SLMAP: variants seen among roughly 807,000 people sequenced by gnomAD.
SLMAP encodes the protein sarcolemma associated protein.
Under a neutral mutation model 128.8 loss-of-function variants are expected in SLMAP, and 44 were observed. The ratio of observed to expected loss-of-function variants is 0.34; its 90% CI spans 0.27 to 0.44. The LOEUF is 0.44. SLMAP is among the 20% of genes least tolerant of loss of function. The pLI is 1.00. For synonymous variants in SLMAP, 327 were observed against 348.8 expected (o/e 0.94, Z 0.70); for missense variants, 787 against 985.3 (o/e 0.80, Z 2.69).
chr3:57,883,486 G>C (rs1006086594), intron 14 of SLMAP, among the ~76,000 whole-genome samples: 7 of 152,176 alleles, frequency 4.6e-5, no homozygotes, highest in African/African-American at 1.7e-4. Context: ...GGCAATAAAA[G>C]CCTAAGAAGG....
In SLMAP at chr3:57,871,673, T is replaced by C. The variant is rs2153617396; in HGVS notation, c.1275T>C (p.Phe425=). 6.2e-7 allele frequency: 1 copy of C among 1,612,892 alleles called. No homozygotes were observed. Among genetic ancestry groups the C allele is most frequent in the Non-Finnish European group, 8.5e-7 (1 of 1,179,008 alleles). Residue 425 remains phenylalanine (F), a synonymous_variant, in exon 14 of 25, where the codon TTT becomes TTC. Transcript: ENST00000671191. The part of the protein sequence containing the change: ...LLSKSGGDCT[F]IHQFIECQKK... Reference sequence around the variant, plus strand: ...CAAAGAGTGGCGGGGACTGCACTTTTATTCATCAATTCATAGAATGCCAGA... The same window carrying C: ...CAAAGAGTGGCGGGGACTGCACTTTCATTCATCAATTCATAGAATGCCAGA...
intron 2 of SLMAP, among the ~76,000 whole-genome samples, chr3:57,781,404 A>G (rs988295615): frequency 1.6e-4 from 24 of 152,230 alleles, no homozygotes; most frequent in Non-Finnish European, 2.2e-4. Flanking sequence ...AGCTGTTTAT[A>G]TACTGATATG....
intron 2 of SLMAP, among the ~76,000 whole-genome samples, chr3:57,806,223 A>G (rs755054321): frequency 1.3e-5 from 2 of 151,140 alleles, no homozygotes; most frequent in African/African-American, 2.4e-5. Context: ...CTGCCCCCCA[A>G]CTGGCCCTGG....
intron 14 of SLMAP, among the ~76,000 whole-genome samples, chr3:57,876,379 A>C (rs1176984119): frequency 6.6e-6 from 1 of 152,230 alleles, no homozygotes. Flanking sequence ...TCTAAGAAAA[A>C]CTTTAAATTC....
chr3:57,912,328 G>T (rs935978792), intron 19 of SLMAP, 53 bp from the exon 20 acceptor site: 14 of 1,493,952 alleles, frequency 9.4e-6, no homozygotes, highest in African/African-American at 8.3e-5. Flanking sequence ...AATCCTGTAT[G>T]GATTATTCTT....
chr3:57,869,897 AAC>A (rs922718687), intron 13 of SLMAP, among the ~76,000 whole-genome samples: 1 of 151,486 alleles, frequency 6.6e-6, no homozygotes, highest in African/African-American at 2.4e-5. Flanking sequence ...AGTATTAGAT[AAC>A]ACAGGTATAT....
intron 2 of SLMAP, among the ~76,000 whole-genome samples, chr3:57,813,085 C>T (rs1489122120): frequency 9.6e-5 from 14 of 146,554 alleles, no homozygotes; most frequent in Non-Finnish European, 9.0e-5. Flanking sequence ...TTGTCCTTTC[C>T]GTTTGGATGC....
chr3:57,906,130 C>T (rs1375683183), intron 17 of SLMAP, among the ~76,000 whole-genome samples: 1 of 149,962 alleles, frequency 6.7e-6, no homozygotes, highest in East Asian at 2.0e-4. Context: ...TTGCAGACTC[C>T]AGTGGATAGT....
intron 2 of SLMAP, among the ~76,000 whole-genome samples, chr3:57,791,856 T>G (rs143631122): frequency 1.5e-3 from 224 of 152,280 alleles, no homozygotes; most frequent in African/African-American, 5.1e-3. Flanking sequence ...CTATTAATGA[T>G]CTCAAATTTT....
chr3:57,842,857 C>T (rs2094005258), intron 4 of SLMAP, among the ~76,000 whole-genome samples: 1 of 152,098 alleles, frequency 6.6e-6, no homozygotes, highest in East Asian at 1.9e-4. Flanking sequence ...AGCAATTCTC[C>T]AGAGCTGGAG....
chr3:57,903,968 C>T (rs758876864), intron 17 of SLMAP, among the ~76,000 whole-genome samples: 8 of 152,192 alleles, frequency 5.3e-5, no homozygotes, highest in Non-Finnish European at 8.8e-5. Context: ...CCATAATAAA[C>T]TAGTAATGCA....
At chr3:57,900,509 G>A (rs2096353109) in intron 17 of SLMAP, 1 of 152,162 alleles carries the variant, frequency 6.6e-6, no homozygotes, top group African/African-American at 2.4e-5. Context: ...GACTGCAGTG[G>A]TTTTAAAGTC....
At chr3:57,819,097 T>C (rs2092247123) in intron 2 of SLMAP, among the ~76,000 whole-genome samples, 1 of 152,248 alleles carries the variant, frequency 6.6e-6, no homozygotes, top group African/African-American at 2.4e-5. Flanking sequence ...TGCATTGTTA[T>C]TATTTCCATT....
At chr3:57,845,573 A>C (rs1167152138) in intron 4 of SLMAP, among the ~76,000 whole-genome samples, 3 of 152,164 alleles carry the variant, frequency 2.0e-5, no homozygotes, top group Non-Finnish European at 4.4e-5. Context: ...CCATTATAAG[A>C]ATGGCCTCTA....
At chr3:57,895,057 G>C (rs1461693131) in intron 15 of SLMAP, among the ~76,000 whole-genome samples, 1 of 151,964 alleles carries the variant, frequency 6.6e-6, no homozygotes, top group Non-Finnish European at 1.5e-5. Context: ...TTGGGAGGCT[G>C]AGGTGGGAGG....
chr3:57,917,218 T>G, intron 22 of SLMAP, 141 bp downstream of exon 22: 1 of 1,521,346 alleles, frequency 6.6e-7, no homozygotes, highest in Non-Finnish European at 8.9e-7. Context: ...CATCTCTGCT[T>G]GGTGATTTCT....
At position 57,860,741 on chromosome 3, in the gene SLMAP, C is replaced by G; in HGVS notation, c.730C>G (p.Gln244Glu). Residue 244 changes from glutamine to glutamate, a missense_variant, in exon 9 of 25, where the codon CAA becomes GAA. Transcript: ENST00000671191. The stretch of plus-strand genomic sequence containing the variant: ...TTTACGAAAGGAACTTATAGCATTA[C>G]AAGAGGATAAACATAACTATGAGAC... ...DSLRKELIAL[Q>E]EDKHNYETTA... 1 of 1,593,088 alleles carries G rather than the reference C, an allele frequency of 6.3e-7. No individual in the cohort carries two copies. Among genetic ancestry groups the G allele is most frequent in the Non-Finnish European group, 8.5e-7 (1 of 1,174,198 alleles).
At chr3:57,823,935 CATT>C (rs1015714099) in intron 2 of SLMAP, among the ~76,000 whole-genome samples, 20 of 152,210 alleles carry the variant, frequency 1.3e-4, no homozygotes, top group Admixed American at 1.3e-3. Flanking sequence ...GATGGTATCT[CATT>C]GTGGTTTTGA....
intron 2 of SLMAP, among the ~76,000 whole-genome samples, chr3:57,814,396 C>T (rs548169855): frequency 2.7e-4 from 41 of 152,078 alleles, no homozygotes; most frequent in Non-Finnish European, 5.0e-4. Context: ...CCACCTCAAC[C>T]GCTCAAATTG....
Sources: allele counts gnomAD v4.1 joint callset (sites outside exome capture counted in the v4.1 genomes callset), GRCh38; gene constraint gnomAD v4.1.1; transcripts MANE v1.5; gene names NCBI Gene and HGNC (gene_info 2026-07-23, HGNC 2026-07-21).